Variants in MINDY4 observed in about 807,000 individuals in gnomAD.
The protein encoded by MINDY4 is MINDY lysine 48 deubiquitinase 4, also known as probable ubiquitin carboxyl-terminal hydrolase MINDY-4.
MINDY4 carries 68 observed loss-of-function variants against 87.0 expected under a neutral mutation model. The observed-to-expected ratio is 0.78, with a 90% CI of 0.64 to 0.96. MINDY4 has a LOEUF of 0.96. MINDY4 is among the 40% of genes least tolerant of loss of function. MINDY4 has a pLI of 0.00. For missense variants in MINDY4, 919 were observed against 928.2 expected (o/e 0.99, Z 0.13); for synonymous variants, 379 against 363.2 (o/e 1.04, Z -0.50).
chr7:30,864,111 C>T (rs560895480), intron 13 of MINDY4, among the ~76,000 whole-genome samples: 1 of 152,366 alleles, frequency 6.6e-6, no homozygotes, highest in East Asian at 1.9e-4. Flanking sequence ...GCCTTCATTA[C>T]AGCAGCAAGT....
At chr7:30,841,252 C>T (rs1299868174) in intron 9 of MINDY4, among the ~76,000 whole-genome samples, 1 of 152,340 alleles carries the variant, frequency 6.6e-6, no homozygotes. Flanking sequence ...CATTCCAGGC[C>T]GCCCCACAGA....
chr7:30,857,493 G>A (rs1789613353), intron 12 of MINDY4, among the ~76,000 whole-genome samples: 2 of 33,788 alleles, frequency 5.9e-5, no homozygotes, highest in Admixed American at 3.9e-4. Context: ...TTTTTTTTGA[G>A]ACGGAGTCTC....
intron 5 of MINDY4, among the ~76,000 whole-genome samples, chr7:30,804,068 G>T (rs937622598): frequency 6.6e-6 from 1 of 152,200 alleles, no homozygotes; most frequent in African/African-American, 2.4e-5. Context: ...TCAAATGGTG[G>T]CTGAGGGATG....
Position 30,828,661 on chromosome 7 carries a change from A to G in MINDY4, c.1074-18A>G, listed in dbSNP as rs1250120677. 6 of 1,613,338 alleles carry G rather than the reference A, an allele frequency of 3.7e-6. No individual in the cohort carries two copies. Among genetic ancestry groups the G allele is most frequent in the Admixed American group, 1.7e-5 (1 of 60,002 alleles). On this transcript the variant is annotated intron_variant, in intron 5 of 17. Coordinates refer to ENST00000265299, the MANE Select transcript of MINDY4 (RefSeq NM_032222.3). Reference sequence around the variant, plus strand: ...TCTGTCAGTCTCCTCTGGTACATTGATATTTTCTATTTTCCAGGAAAAATC... The same window carrying G: ...TCTGTCAGTCTCCTCTGGTACATTGGTATTTTCTATTTTCCAGGAAAAATC...
intron 1 of MINDY4, among the ~76,000 whole-genome samples, chr7:30,776,967 A>ATTTCTTTTCTTT (rs1554276883): frequency 1.3e-5 from 2 of 149,734 alleles, no homozygotes; most frequent in African/African-American, 4.9e-5. Context: ...CCCCAATGGT[A>ATTTCTTTTCTTT]TTTCTTTTCT....
intron 5 of MINDY4, among the ~76,000 whole-genome samples, chr7:30,816,135 C>T (rs1788141926): frequency 6.6e-6 from 1 of 151,772 alleles, no homozygotes; most frequent in Non-Finnish European, 1.5e-5. Context: ...TCTCTGAGTA[C>T]TCCTCAGCTT....
rs71697406 is a variant in MINDY4 at position 30,845,536 on chromosome 7, AG to A, written c.1445+4691del. Among the ~76,000 whole-genome samples, 524 of 140,488 alleles carry A rather than the reference AG, an allele frequency of 3.7e-3. 5 individuals are homozygous for A. The highest frequency in any genetic ancestry group is 0.013 in the African/African-American group (466 of 36,504). The allele number at this position is 140,488 out of a possible 152,430, so 92.2% of individuals were successfully genotyped here. On this transcript the variant is annotated intron_variant, in intron 9 of 17. Transcript: ENST00000265299. Reference sequence around the variant, plus strand: ...TCCAGCTTAAAAAAAAAAAAAAAAAAGGGCAAGCTCTTCTGTTTTCTTCAGG... The same window carrying A: ...TCCAGCTTAAAAAAAAAAAAAAAAAAGGCAAGCTCTTCTGTTTTCTTCAGG...
intron 4 of MINDY4, 136 bp downstream of exon 4, chr7:30,786,128 A>C (rs1787152921): frequency 8.3e-7 from 1 of 1,203,176 alleles, no homozygotes. Context: ...TGGGAAGAAC[A>C]GTGCCTCTGT....
chr7:30,814,426 C>T (rs977378094), intron 5 of MINDY4, among the ~76,000 whole-genome samples: 7 of 152,166 alleles, frequency 4.6e-5, no homozygotes, highest in Admixed American at 2.0e-4. Context: ...TGAAACATTT[C>T]GCTGCATTGT....
chr7:30,777,012 T>C (rs1185928108), intron 1 of MINDY4, among the ~76,000 whole-genome samples: 1 of 150,540 alleles, frequency 6.6e-6, no homozygotes, highest in East Asian at 2.0e-4. Context: ...CTTTTTCTTT[T>C]TCTTTTTTTT....
At chr7:30,784,696 C>T (rs1787102805) in intron 3 of MINDY4, among the ~76,000 whole-genome samples, 1 of 152,216 alleles carries the variant, frequency 6.6e-6, no homozygotes, top group Non-Finnish European at 1.5e-5. Context: ...CTGGTTCTCT[C>T]AGACTCAGGT....
rs141127097 is a variant in MINDY4 at position 30,829,781 on chromosome 7, A to G, written c.1132+1044A>G. On this transcript the variant is annotated intron_variant, in intron 6 of 17. Coordinates refer to ENST00000265299, the MANE Select transcript of MINDY4 (RefSeq NM_032222.3). ...GCTGGCATCCAAACCCTTTTTGTGC[A>G]CCACTGCACTTTAAGATTTTGCAGT... Among the ~76,000 whole-genome samples, 6 of 152,318 alleles carry G rather than the reference A, an allele frequency of 3.9e-5. No homozygotes were observed. The East Asian group carries it at 1.2e-3, about 29-fold the overall frequency.
chr7:30,850,316 GCTGCAGGTGGCCCCT>G, intron 9 of MINDY4, 123 bp from the exon 10 acceptor site: 2 of 746,414 alleles, frequency 2.7e-6, no homozygotes, highest in South Asian at 3.4e-5. Flanking sequence ...GGGCTCCTGG[GCTGCAGGTGGCCCCT>G]CTGCAGGCCA....
chr7:30,810,256 G>A (rs1034343070), intron 5 of MINDY4, among the ~76,000 whole-genome samples: 2 of 149,094 alleles, frequency 1.3e-5, no homozygotes, highest in East Asian at 2.0e-4. Context: ...TGCGAAAGTC[G>A]TGAAAGAGAA....
At position 30,850,522 on chromosome 7, in the gene MINDY4, G is replaced by C. The variant is rs550330270; in HGVS notation, c.1514G>C (p.Arg505Pro). The C allele has an allele frequency of 6.2e-7, 1 of 1,609,966 alleles. No homozygotes were observed. The highest frequency in any genetic ancestry group is 8.5e-7 in the Non-Finnish European group (1 of 1,178,276). Residue 505 changes from arginine (R) to proline (P), a missense_variant, in exon 10 of 18, where the codon CGG becomes CCG. Coordinates refer to ENST00000265299, the MANE Select transcript of MINDY4 (RefSeq NM_032222.3). ...CTGGCCCTCGCAGACATTGTGTGGC[G>C]GGCAGGGGGCCGAGAGAGAGCCGTT... The part of the protein sequence containing the change: ...LVLALADIVW[R>P]AGGRERAVVA...
chr7:30,823,265 A>C (rs958906962), intron 5 of MINDY4, among the ~76,000 whole-genome samples: 1 of 152,206 alleles, frequency 6.6e-6, no homozygotes, highest in Non-Finnish European at 1.5e-5. Flanking sequence ...GACCATATGA[A>C]TATCCTGTTC....
intron 15 of MINDY4, among the ~76,000 whole-genome samples, chr7:30,878,367 C>T (rs1338453848): frequency 2.0e-5 from 3 of 152,166 alleles, no homozygotes; most frequent in East Asian, 3.9e-4. Context: ...CAGGGTGTAC[C>T]TGGGGTAAAC....
intron 5 of MINDY4, among the ~76,000 whole-genome samples, chr7:30,802,863 C>G (rs957546341): frequency 1.3e-5 from 2 of 152,048 alleles, no homozygotes; most frequent in African/African-American, 4.8e-5. Flanking sequence ...ACCAACCAAC[C>G]AACCCAACCA....
chr7:30,828,759 G>A (rs775394916), intron 6 of MINDY4, 22 bp downstream of exon 6: 2 of 1,610,372 alleles, frequency 1.2e-6, no homozygotes, highest in East Asian at 4.5e-5. Flanking sequence ...GGGTGCCTCT[G>A]TGCTGTGCCC....
Sources: allele counts gnomAD v4.1 joint callset (sites outside exome capture counted in the v4.1 genomes callset), GRCh38; gene constraint gnomAD v4.1.1; transcripts MANE v1.5; gene names NCBI Gene and HGNC (gene_info 2026-07-23, HGNC 2026-07-21).